ZNF385D: variants seen among roughly 807,000 people sequenced by gnomAD.
ZNF385D encodes zinc finger protein 659.
Under a neutral mutation model 35.8 loss-of-function variants are expected in ZNF385D, and 15 were observed. The ratio of observed to expected loss-of-function variants is 0.42; its 90% CI spans 0.28 to 0.64. The LOEUF (loss-of-function observed/expected upper bound fraction) is 0.64. Among genes scored for constraint, ZNF385D ranks in the 30% least tolerant of loss-of-function variants. The pLI is 0.23. For synonymous variants in ZNF385D, 212 were observed against 186.8 expected (o/e 1.13, Z -1.10); for missense variants, 474 against 494.6 (o/e 0.96, Z 0.39).
chr3:21,773,218 T>C (rs536322643), intron 3 of ZNF385D, among the ~76,000 whole-genome samples: 2 of 152,070 alleles, frequency 1.3e-5, no homozygotes, highest in African/African-American at 2.4e-5. Context: ...TGTTATAATG[T>C]ATTTTAACAC....
chr3:21,780,641 G>T (rs2071454014), intron 3 of ZNF385D, among the ~76,000 whole-genome samples: 1 of 152,042 alleles, frequency 6.6e-6, no homozygotes, highest in Admixed American at 6.6e-5. Flanking sequence ...TGCTACTAAA[G>T]CATGAAGTAT....
At chr3:22,138,321 C>A (rs952666638) in intron 3 of ZNF385D, among the ~76,000 whole-genome samples, 75 of 152,214 alleles carry the variant, frequency 4.9e-4, no homozygotes, top group African/African-American at 1.3e-3. Flanking sequence ...AACTACTTTA[C>A]AGTTCATATG....
intron 3 of ZNF385D, among the ~76,000 whole-genome samples, chr3:22,160,118 T>C (rs962708448): frequency 6.6e-6 from 1 of 152,088 alleles, no homozygotes; most frequent in Non-Finnish European, 1.5e-5. Flanking sequence ...TCCACCATGA[T>C]TGTAAGCTTC....
intron 2 of ZNF385D, among the ~76,000 whole-genome samples, chr3:22,205,461 C>T (rs1248126532): frequency 6.6e-6 from 1 of 151,628 alleles, no homozygotes; most frequent in Non-Finnish European, 1.5e-5. Flanking sequence ...TAATAGTAAG[C>T]ACACAGAAAA....
At chr3:22,044,542 G>T (rs1004113596) in intron 3 of ZNF385D, among the ~76,000 whole-genome samples, 1 of 152,094 alleles carries the variant, frequency 6.6e-6, no homozygotes, top group Non-Finnish European at 1.5e-5. Context: ...TAAAAAGCAG[G>T]AGATATTATA....
chr3:21,788,977 T>C lies in ZNF385D; in HGVS notation c.326-123949A>G, dbSNP rs545185246. On this transcript the variant is annotated intron_variant, in intron 3 of 5. Coordinates refer to the ZNF385D transcript ENST00000494108. ...AAGAACAAAAAAAGAATGGAGCAGA[T>C]AGATTTTCTGACAGATGAGACCATG... Among the ~76,000 whole-genome samples, 6 of 152,188 alleles carry C rather than the reference T, an allele frequency of 3.9e-5. 1 individual carries two copies. The highest frequency in any genetic ancestry group is 1.4e-4 in the African/African-American group (6 of 41,518).
chr3:21,735,854 C>T (rs1174198203), intron 1 of ZNF385D, among the ~76,000 whole-genome samples: 1 of 152,184 alleles, frequency 6.6e-6, no homozygotes, highest in South Asian at 2.1e-4. Context: ...ATTGTTCATA[C>T]TTTAGCAGGG....
chr3:21,862,428 G>T (rs1697107899), intron 3 of ZNF385D, among the ~76,000 whole-genome samples: 1 of 151,848 alleles, frequency 6.6e-6, no homozygotes, highest in African/African-American at 2.4e-5. Flanking sequence ...ATCACAGTAC[G>T]ATTGTAAGAA....
intron 3 of ZNF385D, among the ~76,000 whole-genome samples, chr3:22,156,471 TAG>T (rs1049105843): frequency 6.6e-6 from 1 of 151,824 alleles, no homozygotes; most frequent in Non-Finnish European, 1.5e-5. Context: ...GAGCTAGGTT[TAG>T]AGAGAGAGAG....
At chr3:22,162,639 G>A (rs778839917) in intron 3 of ZNF385D, among the ~76,000 whole-genome samples, 19 of 152,170 alleles carry the variant, frequency 1.2e-4, no homozygotes, top group East Asian at 7.7e-4. Flanking sequence ...CTTGCACTAC[G>A]CAGTAGGCAG....
At chr3:21,803,258 A>G (rs1261653201) in intron 3 of ZNF385D, among the ~76,000 whole-genome samples, 1 of 152,164 alleles carries the variant, frequency 6.6e-6, no homozygotes, top group African/African-American at 2.4e-5. Flanking sequence ...AGATAAAGGA[A>G]GGAAAACTGG....
At chr3:21,476,459 T>G (rs1704257090) in intron 4 of ZNF385D, among the ~76,000 whole-genome samples, 1 of 152,058 alleles carries the variant, frequency 6.6e-6, no homozygotes, top group African/African-American at 2.4e-5. Context: ...TAGAATTTTT[T>G]TGATGATGTT....
intron 3 of ZNF385D, among the ~76,000 whole-genome samples, chr3:21,895,913 C>G (rs532187185): frequency 1.6e-3 from 243 of 152,100 alleles, no homozygotes; most frequent in African/African-American, 5.7e-3. Context: ...ACATTAAAAT[C>G]AAAAATTTTG....
intron 3 of ZNF385D, chr3:21,777,919 G>A (rs1435409970): frequency 6.6e-6 from 1 of 151,852 alleles, no homozygotes; most frequent in East Asian, 1.9e-4. Flanking sequence ...CCTGACATAA[G>A]AAGCGGAATT....
intron 3 of ZNF385D, among the ~76,000 whole-genome samples, chr3:22,107,050 G>GTT (rs1702259499): frequency 4.9e-5 from 3 of 61,000 alleles, no homozygotes; most frequent in African/African-American, 5.2e-5. Flanking sequence ...TTTAGACAGA[G>GTT]TTTTGCTCTT....
At chr3:22,094,395 T>TATTGTTG (rs1701498548) in intron 3 of ZNF385D, among the ~76,000 whole-genome samples, 1 of 136,314 alleles carries the variant, frequency 7.3e-6, no homozygotes, top group African/African-American at 2.8e-5. Flanking sequence ...GATATATATA[T>TATTGTTG]ATATATATAT....
At chr3:22,023,299 C>A (rs1697334341) in intron 3 of ZNF385D, among the ~76,000 whole-genome samples, 1 of 152,112 alleles carries the variant, frequency 6.6e-6, no homozygotes, top group African/African-American at 2.4e-5. Flanking sequence ...CTTGGTGCCA[C>A]CAATTAGCTC....
At chr3:21,753,606 T>C (rs60153985), upstream of ZNF385D, among the ~76,000 whole-genome samples, 12,042 of 152,292 alleles carry the variant, frequency 0.079, 646 homozygotes, top group South Asian at 0.17. Context: ...CCCTCTTCCC[T>C]GCAATTAAGG....
intron 7 of ZNF385D, 93 bp downstream of exon 7, chr3:21,423,870 C>A (rs41285063): frequency 2.2e-4 from 254 of 1,154,566 alleles, no homozygotes; most frequent in Non-Finnish European, 3.1e-4. Context: ...AGGTACTGGG[C>A]TGTGGTTAAA....
Sources: gnomAD v4.1 joint callset for allele counts (sites outside exome capture counted in the v4.1 genomes callset) on GRCh38, gnomAD v4.1.1 for gene constraint, MANE v1.5 for transcripts, NCBI Gene and HGNC (gene_info 2026-07-23, HGNC 2026-07-21) for gene names.